OLFM2: variants seen among roughly 807,000 people sequenced by gnomAD.
The protein encoded by OLFM2 is olfactomedin 2.
A neutral mutation model predicts 43.9 loss-of-function variants in OLFM2; 20 were observed. The observed-to-expected ratio is 0.46, with a 90% confidence interval of 0.32 to 0.66. The LOEUF (loss-of-function observed/expected upper bound fraction) is 0.66, where lower values mean the gene tolerates loss of function less well. OLFM2 is among the 30% of genes least tolerant of loss of function. OLFM2 has a pLI of 0.04. For synonymous variants in OLFM2, 268 were observed against 278.6 expected, an observed-to-expected ratio of 0.96 and a Z score of 0.38; for missense variants, 416 against 643.6, an observed-to-expected ratio of 0.65 and a Z score of 3.83.
intron 1 of OLFM2, among the ~76,000 whole-genome samples, chr19:9,927,922 C>G (rs377316566): frequency 4.0e-5 from 6 of 150,956 alleles, no homozygotes; most frequent in Admixed American, 2.6e-4. Context: ...ATTAGCTGGG[C>G]CCTGTGGCTC....
At chr19:9,919,492 T>C (rs1285862024) in intron 1 of OLFM2, among the ~76,000 whole-genome samples, 1 of 148,838 alleles carries the variant, frequency 6.7e-6, no homozygotes, top group Non-Finnish European at 1.5e-5. Context: ...CCTATTCATT[T>C]ATTTATTTGA....
At chr19:9,882,430 C>T (rs1242811948) in intron 1 of OLFM2, among the ~76,000 whole-genome samples, 1 of 151,212 alleles carries the variant, frequency 6.6e-6, no homozygotes, top group Non-Finnish European at 1.5e-5. Flanking sequence ...CCCAGCTACT[C>T]GGGAGGCTGA....
intron 1 of OLFM2, among the ~76,000 whole-genome samples, chr19:9,929,812 G>A (rs1568389567): frequency 6.6e-6 from 1 of 152,000 alleles, no homozygotes; most frequent in African/African-American, 2.4e-5. Flanking sequence ...GGCTGAGGCA[G>A]GCAGATCACC....
rs1394582141 is a variant in OLFM2, at chr19:9,922,108, G to A, written c.63+14196C>T. ...GACCCTGTCTCAAAAAAAAAAAAAA[G>A]AAATGAAATGAAATTAAGGAATTCT... On this transcript the variant is annotated intron_variant, in intron 1 of 5. Coordinates refer to ENST00000264833, the MANE Select transcript of OLFM2 (RefSeq NM_058164.4). Among the ~76,000 whole-genome samples, 126 of 147,718 alleles carry A rather than the reference G, an allele frequency of 8.5e-4. 2 individuals are homozygous for A. The highest frequency in any genetic ancestry group is 2.9e-3 in the African/African-American group (117 of 39,834).
intron 1 of OLFM2, among the ~76,000 whole-genome samples, chr19:9,862,535 G>T (rs2046372057): frequency 6.6e-6 from 1 of 151,698 alleles, no homozygotes; most frequent in African/African-American, 2.4e-5. Flanking sequence ...AAAAAAATTA[G>T]CTGGATGTAG....
In OLFM2 at chr19:9,936,406, T is replaced by G; in HGVS notation, c.-40A>C. ...CCGGCGTCCCGACCCCCGCCCGCCC[T>G]AGCGGCGCCTCGGCGCGGGGACCGC... On this transcript the variant is annotated 5_prime_UTR_variant, in exon 1 of 6. Transcript: ENST00000264833. 8.1e-7 allele frequency: 1 copy of G among 1,239,758 alleles called. No homozygotes were observed. Among genetic ancestry groups the G allele is most frequent in the Non-Finnish European group, 1.0e-6 (1 of 992,398 alleles). 76.8% of individuals were successfully genotyped at this position (1,239,758 alleles called of 1,614,324 possible).
intron 1 of OLFM2, among the ~76,000 whole-genome samples, chr19:9,878,132 G>A (rs1323734939): frequency 6.6e-6 from 1 of 152,138 alleles, no homozygotes; most frequent in Non-Finnish European, 1.5e-5. Context: ...TTACAGGCGT[G>A]AGCCACCACA....
chr19:9,931,258 C>T (rs2086480352), intron 1 of OLFM2, among the ~76,000 whole-genome samples: 1 of 152,092 alleles, frequency 6.6e-6, no homozygotes, highest in Admixed American at 6.5e-5. Context: ...TTCTTTCTTT[C>T]TTTTTTGTGG....
intron 1 of OLFM2, among the ~76,000 whole-genome samples, chr19:9,935,999 T>G (rs1340082095): frequency 1.3e-5 from 2 of 149,462 alleles, no homozygotes; most frequent in African/African-American, 2.5e-5. Context: ...GAAGTTTCCC[T>G]CCCAACCCCA....
intron 1 of OLFM2, among the ~76,000 whole-genome samples, chr19:9,865,604 G>A (rs1418841858): frequency 7.2e-6 from 1 of 138,844 alleles, no homozygotes; most frequent in African/African-American, 2.7e-5. Context: ...CAATTCTCCT[G>A]CCTCAGCCTC....
chr19:9,913,783 G>T (rs534314165), intron 1 of OLFM2: 34 of 576,420 alleles, frequency 5.9e-5, no homozygotes, highest in Middle Eastern at 1.6e-3. Context: ...GGGGGGGCTC[G>T]GGGACGCGGG....
intron 1 of OLFM2, 88 bp downstream of exon 1, chr19:9,936,216 C>T: frequency 7.0e-7 from 1 of 1,419,352 alleles, no homozygotes; most frequent in Non-Finnish European, 9.5e-7. Flanking sequence ...GCTTGTGGAG[C>T]CTCCCAACCC....
intron 1 of OLFM2, among the ~76,000 whole-genome samples, chr19:9,892,587 T>A (rs1292380767): frequency 6.6e-6 from 1 of 152,136 alleles, no homozygotes; most frequent in Non-Finnish European, 1.5e-5. Context: ...GGCGGGTGCC[T>A]GTAGTTCCAG....
chr19:9,926,703 A>G (rs2086455628), intron 1 of OLFM2, among the ~76,000 whole-genome samples: 1 of 150,588 alleles, frequency 6.6e-6, no homozygotes, highest in South Asian at 2.1e-4. Flanking sequence ...TTCTAGGCCA[A>G]GTGCAGTGGC....
At chr19:9,926,587 G>T (rs2086454850) in intron 1 of OLFM2, among the ~76,000 whole-genome samples, 1 of 144,152 alleles carries the variant, frequency 6.9e-6, no homozygotes, top group South Asian at 2.1e-4. Context: ...TGACTAAAGT[G>T]ATAAATTTTA....
At chr19:9,889,139 G>A (rs1224388159) in intron 1 of OLFM2, among the ~76,000 whole-genome samples, 6 of 152,020 alleles carry the variant, frequency 3.9e-5, no homozygotes, top group Non-Finnish European at 8.8e-5. Flanking sequence ...TGTGGGTGAG[G>A]AAACTGAGGC....
intron 1 of OLFM2, among the ~76,000 whole-genome samples, chr19:9,894,690 C>A (rs1213131777): frequency 6.6e-6 from 1 of 151,968 alleles, no homozygotes; most frequent in Non-Finnish European, 1.5e-5. Context: ...GCCTGGGCAA[C>A]AAGAGCAAAA....
intron 1 of OLFM2, among the ~76,000 whole-genome samples, chr19:9,867,665 G>A (rs559474821): frequency 2.0e-4 from 30 of 152,224 alleles, no homozygotes; most frequent in African/African-American, 6.7e-4. Context: ...ATAAGATAGC[G>A]CCAATTAAAT....
At chr19:9,919,364 C>T (rs2086405726) in intron 1 of OLFM2, among the ~76,000 whole-genome samples, 1 of 152,092 alleles carries the variant, frequency 6.6e-6, no homozygotes, top group Admixed American at 6.6e-5. Context: ...GATGGGGTTT[C>T]ACTGTGTTAG....
Sources: allele counts gnomAD v4.1 joint callset (sites outside exome capture counted in the v4.1 genomes callset), GRCh38; gene constraint gnomAD v4.1.1; transcripts MANE v1.5; gene names NCBI Gene and HGNC (gene_info 2026-07-23, HGNC 2026-07-21).